The following ALG12 variants were observed in gnomAD, a reference collection of about 807,000 sequenced individuals.
ALG12 encodes ALG12 alpha-1,6-mannosyltransferase.
ALG12 carries 36 observed loss-of-function variants against 46.0 expected under a neutral mutation model. That is an observed-to-expected ratio of 0.78 (90% CI 0.60 to 1.03). The LOEUF (loss-of-function observed/expected upper bound fraction) is 1.03, where lower values mean the gene tolerates loss of function less well. ALG12 is among the 50% of genes least tolerant of loss of function. The pLI, the probability that ALG12 is intolerant of heterozygous loss-of-function variation, is 0.00. For synonymous variants in ALG12, 326 were observed against 291.6 expected (o/e 1.12, Z -1.20); for missense variants, 599 against 633.5 (o/e 0.95, Z 0.58).
intron 5 of ALG12, 41 bp from the exon 6 acceptor site, chr22:49,909,388 C>T: frequency 6.4e-7 from 1 of 1,552,308 alleles, no homozygotes; most frequent in Non-Finnish European, 8.8e-7. Flanking sequence ...CAAACACAGC[C>T]ATCAGTAAAC....
At chr22:49,904,104 C>G (rs778324736) in intron 9 of ALG12, 38 bp from the exon 10 acceptor site, 3 of 1,613,952 alleles carry the variant, frequency 1.9e-6, no homozygotes, top group South Asian at 2.2e-5. Context: ...CCAGGGCCCC[C>G]ACATCGCCCT....
the ALG12 span, among the ~76,000 whole-genome samples, chr22:49,890,946 C>T: frequency 5.3e-5 from 8 of 151,846 alleles, no homozygotes; most frequent in African/African-American, 7.2e-5. Flanking sequence ...AGGAGAATGG[C>T]GTGAACCTGG....
chr22:49,906,483 G>A lies in ALG12; in HGVS notation c.992+1238C>T, dbSNP rs1174426746. 6.6e-6 allele frequency among the ~76,000 whole-genome samples: 1 copy of A among 152,158 alleles called. No homozygotes were observed. Among genetic ancestry groups the A allele is most frequent in the East Asian group, 1.9e-4 (1 of 5,182 alleles). On this transcript the variant is annotated intron_variant, in intron 7 of 9. Transcript: ENST00000330817. The surrounding 1 kb of genome is among the most constrained non-coding windows in gnomAD (Gnocchi z 4.4). ...CGGCAGCCGGAGGAACCCCCAGCGA[G>A]GAACAGTCACGGCAGCCAGAGGAGC...
the ALG12 span, among the ~76,000 whole-genome samples, chr22:49,868,886 C>T: frequency 6.7e-6 from 1 of 149,446 alleles, no homozygotes. Flanking sequence ...CCAAGGCAGG[C>T]GGATCACCTG....
At chr22:49,909,868 G>A (rs751744742) in intron 5 of ALG12, 26 bp downstream of exon 5, 16 of 1,613,810 alleles carry the variant, frequency 9.9e-6, no homozygotes, top group Middle Eastern at 1.6e-4. Flanking sequence ...AATCCAGTTA[G>A]AAGCATCCCA....
chr22:49,902,505 A>G lies in ALG12; in HGVS notation c.*1333T>C, dbSNP rs1359468610. On this transcript the variant is annotated 3_prime_UTR_variant, in exon 10 of 10. Transcript: ENST00000330817. ...TGTGGTGTGTATGCATGGTGTGTGC[A>G]CATGTGCACTGTGTATGCATGGTAA... 1 of 131,798 alleles carries G rather than the reference A, an allele frequency of 7.6e-6. No individual in the cohort carries two copies. Among genetic ancestry groups the G allele is most frequent in the African/African-American group, 3.1e-5 (1 of 32,712 alleles). 8.2% of individuals were successfully genotyped at this position (131,798 alleles called of 1,614,324 possible). A position where few individuals can be genotyped will look rare whatever the true frequency, so the allele number is the denominator to read the frequency against.
intron 3 of ALG12, among the ~76,000 whole-genome samples, chr22:49,912,590 C>T (rs1432468814): frequency 2.0e-5 from 3 of 152,222 alleles, no homozygotes; most frequent in Non-Finnish European, 2.9e-5. Flanking sequence ...TCCCCAGGAA[C>T]GTGCTACTTC....
chr22:49,903,577 G>A lies in ALG12; in HGVS notation c.*261C>T, dbSNP rs1431615687. The A allele has an allele frequency of 4.6e-6, 3 of 659,106 alleles. No individual in the cohort carries two copies. The highest frequency in any genetic ancestry group is 4.1e-5 in the Admixed American group (2 of 48,492). 40.8% of individuals were successfully genotyped at this position (659,106 alleles called of 1,614,324 possible). On this transcript the variant is annotated 3_prime_UTR_variant, in exon 10 of 10. Coordinates refer to ENST00000330817, the MANE Select transcript of ALG12 (RefSeq NM_024105.4). Reference sequence around the variant, plus strand: ...TCTGGGCGACAGTCACCCGCAGGAAGCCCTGAGCTGGCCACCATCACCCTG... The same window carrying A: ...TCTGGGCGACAGTCACCCGCAGGAAACCCTGAGCTGGCCACCATCACCCTG...
chr22:49,886,327 C>G, the ALG12 span: 3 of 1,590,916 alleles, frequency 1.9e-6, no homozygotes, highest in African/African-American at 2.7e-5. This position sits in a 1 kb window ranked among gnomAD's most constrained non-coding sequence, Gnocchi z 7.7. Context: ...CCAGGACGTC[C>G]CGTCCAAGTG....
At chr22:49,865,600 G>A in the ALG12 span, among the ~76,000 whole-genome samples, 16 of 152,150 alleles carry the variant, frequency 1.1e-4, no homozygotes, top group South Asian at 4.2e-4. Context: ...GCTTAAACCC[G>A]GGAGGCAGAG....
At chr22:49,914,949 G>A (rs9616373) in intron 1 of ALG12, among the ~76,000 whole-genome samples, 20,349 of 152,224 alleles carry the variant, frequency 0.13, 1,450 homozygotes, top group African/African-American at 0.18. Flanking sequence ...GGCTGGTATG[G>A]AATTCCTGGC....
At chr22:49,885,695 A>G in the ALG12 span, 14 of 1,610,446 alleles carry the variant, frequency 8.7e-6, no homozygotes, top group South Asian at 1.1e-5. Flanking sequence ...TTTGTAGACA[A>G]CGTTGGCTTT....
chr22:49,885,211 G>C, the ALG12 span: 1 of 1,613,528 alleles, frequency 6.2e-7, no homozygotes, highest in South Asian at 1.1e-5. Flanking sequence ...GGGCTTCCTG[G>C]GTGCAAGTCT....
chr22:49,891,598 A>G, the ALG12 span, among the ~76,000 whole-genome samples: 1 of 152,172 alleles, frequency 6.6e-6, no homozygotes, highest in Non-Finnish European at 1.5e-5. Context: ...GTAAAGCATC[A>G]TGATTTTCAC....
At chr22:49,893,472 T>C in the ALG12 span, among the ~76,000 whole-genome samples, 1 of 152,198 alleles carries the variant, frequency 6.6e-6, no homozygotes, top group Non-Finnish European at 1.5e-5. Context: ...GCTGACTCTC[T>C]AAAACAAATA....
the ALG12 span, among the ~76,000 whole-genome samples, chr22:49,876,280 C>T: frequency 6.6e-6 from 1 of 152,256 alleles, no homozygotes; most frequent in East Asian, 1.9e-4. Context: ...AATAAATGCC[C>T]ATTAGGTCAA....
chr22:49,886,604 T>C, the ALG12 span: 1 of 1,572,164 alleles, frequency 6.4e-7, no homozygotes, highest in Non-Finnish European at 8.6e-7. This position sits in a 1 kb window ranked among gnomAD's most constrained non-coding sequence, Gnocchi z 7.7. Flanking sequence ...ATCGACACCA[T>C]GCTGCGCTCT....
rs2060522006 is a variant in ALG12, at chr22:49,902,945, G to A, written c.*893C>T. On this transcript the variant is annotated 3_prime_UTR_variant, in exon 10 of 10. Coordinates refer to ENST00000330817, the MANE Select transcript of ALG12 (RefSeq NM_024105.4). ...TGCACGTGTGCACGGTGTGTGGTGT[G>A]TATGCATGGTGTGTGCACGTGTGCA... 1 of 290,546 alleles carries A rather than the reference G, an allele frequency of 3.4e-6. No homozygotes were observed. Among genetic ancestry groups the A allele is most frequent in the Non-Finnish European group, 6.7e-6 (1 of 149,850 alleles). 18.0% of individuals were successfully genotyped at this position (290,546 alleles called of 1,614,324 possible).
the ALG12 span, among the ~76,000 whole-genome samples, chr22:49,877,812 T>C: frequency 0.64 from 97,852 of 152,068 alleles, 35,675 homozygotes; most frequent in East Asian, 0.85. Flanking sequence ...CTGCCCCTCG[T>C]GGCCCCTCCT....
Sources: gnomAD v4.1 joint callset for allele counts (sites outside exome capture counted in the v4.1 genomes callset) on GRCh38, gnomAD v4.1.1 for gene constraint, Gnocchi (gnomAD v3.1) non-coding constraint, MANE v1.5 for transcripts, NCBI Gene and HGNC (gene_info 2026-07-23, HGNC 2026-07-21) for gene names.